LMOD1: variants seen among roughly 807,000 people sequenced by gnomAD.
LMOD1 encodes leiomodin 1.
In LMOD1, 8 loss-of-function variants were observed where a neutral mutation model predicts 36.5. The observed-to-expected ratio is 0.22, with a 90% CI of 0.13 to 0.40. The LOEUF (loss-of-function observed/expected upper bound fraction) is 0.40, where lower values mean the gene tolerates loss of function less well. Ranked by LOEUF, LMOD1 falls within the 10% of genes least tolerant of loss-of-function variation. The probability of loss-of-function intolerance (pLI) is 1.00; values close to 1 mark genes in which losing one functional copy is unlikely to be tolerated. For synonymous variants in LMOD1, 284 were observed against 288.7 expected (o/e 0.98, Z 0.17); for missense variants, 630 against 751.1 (o/e 0.84, Z 1.88).
Position 201,940,811 on chromosome 1 carries a change from C to T in LMOD1, c.261+5269G>A, listed in dbSNP as rs192330669. On this transcript the variant is annotated intron_variant, in intron 1 of 2. Coordinates refer to ENST00000367288, the MANE Select transcript of LMOD1 (RefSeq NM_012134.3). ...TTGCCCAGGCTGGAGTGCAATGGCA[C>T]GATCTCGGCGCACCGTAACCTCCGC... 1.0e-3 allele frequency among the ~76,000 whole-genome samples: 151 copies of T among 149,996 alleles called. 1 individual carries two copies. Among genetic ancestry groups the T allele is most frequent in the African/African-American group, 3.6e-3 (145 of 40,728 alleles).
chr1:201,940,879 G>A (rs1029925935), intron 1 of LMOD1, among the ~76,000 whole-genome samples: 1 of 151,866 alleles, frequency 6.6e-6, no homozygotes, highest in Non-Finnish European at 1.5e-5. Context: ...CTCCCTAGTA[G>A]CTGGGATTAC....
rs144488416 is a variant in LMOD1 at position 201,913,195 on chromosome 1, G to C, written c.262-12444C>G. ...CAAAGGACTGAGCAGCTGGAAAGAA[G>C]TTGAGTTTGTTTTAGCAAACAAGAG... On this transcript the variant is annotated intron_variant, in intron 1 of 2. Coordinates refer to ENST00000367288, the MANE Select transcript of LMOD1 (RefSeq NM_012134.3). Among the ~76,000 whole-genome samples the C allele has an allele frequency of 2.8e-3, 430 of 152,330 alleles. 1 individual carries two copies. The highest frequency in any genetic ancestry group is 9.9e-3 in the African/African-American group (413 of 41,586).
rs557205100 is a variant in LMOD1 at position 201,903,026 on chromosome 1, A to T, written c.262-2275T>A. ...GGAAGAGACTATGGTTTGAATATTT[A>T]AAAAGTTTTCTTTCAAGAGTGCCAG... On this transcript the variant is annotated intron_variant, in intron 1 of 2. Coordinates refer to ENST00000367288, the MANE Select transcript of LMOD1 (RefSeq NM_012134.3). Among the ~76,000 whole-genome samples, 4 of 152,332 alleles carry T rather than the reference A, an allele frequency of 2.6e-5. No homozygotes were observed. In the East Asian group the frequency reaches 7.7e-4, roughly 29 times the overall value.
At chr1:201,929,824 C>G (rs1466404204) in intron 1 of LMOD1, among the ~76,000 whole-genome samples, 1 of 152,106 alleles carries the variant, frequency 6.6e-6, no homozygotes, top group Non-Finnish European at 1.5e-5. Flanking sequence ...GGGAAAAGCA[C>G]AGAAACAGAC....
At position 201,946,493 on chromosome 1, in the gene LMOD1, G is replaced by A; in HGVS notation, c.-153C>T. 1.3e-6 allele frequency: 1 copy of A among 761,580 alleles called. No homozygotes were observed. Among genetic ancestry groups the A allele is most frequent in the South Asian group, 1.9e-5 (1 of 53,970 alleles). The allele number at this position is 761,580 out of a possible 1,614,324, so 47.2% of individuals were successfully genotyped here. On this transcript the variant is annotated 5_prime_UTR_variant, in exon 1 of 3. Coordinates refer to ENST00000367288, the MANE Select transcript of LMOD1 (RefSeq NM_012134.3). ...AGCTCCTTGGCCCTTCTGTGCTACAGGTGCTGAAGTGTTCACTGGACGCAG... is the reference window on the plus strand; with the variant it reads ...AGCTCCTTGGCCCTTCTGTGCTACAAGTGCTGAAGTGTTCACTGGACGCAG...
chr1:201,928,303 G>C (rs1280051316), intron 1 of LMOD1, among the ~76,000 whole-genome samples: 2 of 152,180 alleles, frequency 1.3e-5, no homozygotes, highest in Non-Finnish European at 2.9e-5. Flanking sequence ...TTCTCTTACA[G>C]AAGCCTGGCT....
chr1:201,930,072 G>T (rs12057367), intron 1 of LMOD1, among the ~76,000 whole-genome samples: 1 of 151,888 alleles, frequency 6.6e-6, no homozygotes, highest in Admixed American at 6.6e-5. Flanking sequence ...AAAGCCTGGC[G>T]CTCTGGAGAA....
At chr1:201,932,712 G>C (rs1681946372) in intron 1 of LMOD1, among the ~76,000 whole-genome samples, 1 of 152,016 alleles carries the variant, frequency 6.6e-6, no homozygotes, top group African/African-American at 2.4e-5. Context: ...ACTGCACCCT[G>C]GCCTGGGCGA....
chr1:201,944,254 G>C (rs981871749), intron 1 of LMOD1, among the ~76,000 whole-genome samples: 1 of 152,208 alleles, frequency 6.6e-6, no homozygotes, highest in African/African-American at 2.4e-5. Context: ...TGAGGCAGGG[G>C]AGGAGACACT....
intron 1 of LMOD1, among the ~76,000 whole-genome samples, chr1:201,944,997 C>T (rs1372444309): frequency 1.3e-5 from 2 of 152,084 alleles, no homozygotes; most frequent in African/African-American, 4.8e-5. Flanking sequence ...AGAAGTAAAA[C>T]AAAAAGCAAG....
At position 201,899,044 on chromosome 1, in the gene LMOD1, G is replaced by A. The variant is rs142612942; in HGVS notation, c.1776+193C>T. The A allele has an allele frequency of 6.3e-3, 3,394 of 538,232 alleles. 36 individuals are homozygous for A. The highest frequency in any genetic ancestry group is 0.023 in the South Asian group (715 of 30,828). 33.3% of individuals were successfully genotyped at this position (538,232 alleles called of 1,614,324 possible). On this transcript the variant is annotated intron_variant, in intron 2 of 2. Coordinates refer to ENST00000367288, the MANE Select transcript of LMOD1 (RefSeq NM_012134.3). This position sits in a 1 kb window ranked among gnomAD's most constrained non-coding sequence, Gnocchi z 6.3. ...AGGAAGGGTAGAGTCTCAGCTCTAG[G>A]GGATATACAGGTGTGACCTGCCTGC...
chr1:201,901,917 C>G (rs1021270567), intron 1 of LMOD1, among the ~76,000 whole-genome samples: 6 of 147,992 alleles, frequency 4.1e-5, no homozygotes, highest in Non-Finnish European at 8.9e-5. Context: ...TTTATTTTAC[C>G]AATTAAGGAT....
intron 1 of LMOD1, among the ~76,000 whole-genome samples, chr1:201,928,640 G>C (rs1236198311): frequency 6.6e-6 from 1 of 152,218 alleles, no homozygotes; most frequent in East Asian, 1.9e-4. Flanking sequence ...AACTTCTCCA[G>C]ATATTTTATG....
At chr1:201,902,818 G>A (rs772638781) in intron 1 of LMOD1, among the ~76,000 whole-genome samples, 2 of 152,148 alleles carry the variant, frequency 1.3e-5, no homozygotes, top group Non-Finnish European at 2.9e-5. Flanking sequence ...CCGTAAGGTT[G>A]CACCGAGCCT....
chr1:201,911,118 G>A (rs1318658624), intron 1 of LMOD1, among the ~76,000 whole-genome samples: 2 of 152,130 alleles, frequency 1.3e-5, no homozygotes, highest in African/African-American at 4.8e-5. Context: ...GAGCTATCTG[G>A]GCATGTGATC....
intron 1 of LMOD1, among the ~76,000 whole-genome samples, chr1:201,941,135 T>A (rs1442797850): frequency 6.6e-6 from 1 of 151,766 alleles, no homozygotes; most frequent in Non-Finnish European, 1.5e-5. Context: ...AATTTTTAAT[T>A]TTTTAGAGAT....
Position 201,904,292 on chromosome 1 carries a change from C to A in LMOD1, c.262-3541G>T, listed in dbSNP as rs991080318. Among the ~76,000 whole-genome samples the A allele has an allele frequency of 2.0e-5, 3 of 152,170 alleles. No homozygotes were observed. The East Asian group carries it at 5.8e-4, about 29-fold the overall frequency. ...ATGCCGCAATCTCGGCTCACTGCAA[C>A]CTCTGCCTTCTGAGTTCAAGCGATT... On this transcript the variant is annotated intron_variant, in intron 1 of 2. Transcript: ENST00000367288.
chr1:201,927,611 G>A (rs900914402), intron 1 of LMOD1, among the ~76,000 whole-genome samples: 3 of 151,536 alleles, frequency 2.0e-5, no homozygotes, highest in African/African-American at 7.3e-5. Flanking sequence ...AGAAGAATTT[G>A]TTATACTTTT....
At chr1:201,914,734 C>G (rs1012513373) in intron 1 of LMOD1, among the ~76,000 whole-genome samples, 2 of 152,052 alleles carry the variant, frequency 1.3e-5, no homozygotes, top group East Asian at 3.9e-4. Flanking sequence ...TCCCTCTCCT[C>G]CTGCCCAGGC....
Sources: allele counts gnomAD v4.1 joint callset (sites outside exome capture counted in the v4.1 genomes callset), GRCh38; gene constraint gnomAD v4.1.1; non-coding constraint Gnocchi (gnomAD v3.1); transcripts MANE v1.5; gene names NCBI Gene and HGNC (gene_info 2026-07-23, HGNC 2026-07-21).